The following MRFAP1L2 variants were observed in gnomAD, a reference collection of about 807,000 sequenced individuals.
The protein encoded by MRFAP1L2 is MORF4 family-associated protein 1-like protein UPP.
chr4:6,674,420 G>C, the MRFAP1L2 span: 2 of 653,420 alleles, frequency 3.1e-6, no homozygotes, highest in Admixed American at 2.3e-5. Flanking sequence ...GGAGCGGGGC[G>C]CCCGGGCCCC....
the MRFAP1L2 span, chr4:6,674,387 A>C: frequency 1.5e-6 from 1 of 651,298 alleles, no homozygotes; most frequent in Non-Finnish European, 2.7e-6. Flanking sequence ...GCTCGACGCC[A>C]TCAAGAGTGA....
the MRFAP1L2 span, chr4:6,674,279 G>C: frequency 2.0e-6 from 1 of 506,788 alleles, no homozygotes; most frequent in Non-Finnish European, 3.4e-6. Context: ...GCTGAGCCCC[G>C]CGCCCCGCGC....
the MRFAP1L2 span, chr4:6,674,548 G>A: frequency 1.5e-6 from 1 of 663,120 alleles, no homozygotes; most frequent in Non-Finnish European, 2.7e-6. Context: ...TGCACCAGCG[G>A]ATCGCCGGCT....
chr4:6,674,744 A>G, the MRFAP1L2 span: 55 of 511,568 alleles, frequency 1.1e-4, no homozygotes, highest in Middle Eastern at 5.0e-4. Context: ...TGTTGTAAAG[A>G]GTCATGACCA....
At chr4:6,674,104 G>A in the MRFAP1L2 span, 2 of 383,440 alleles carry the variant, frequency 5.2e-6, no homozygotes, top group South Asian at 1.4e-4. Flanking sequence ...GCTGCGGAAA[G>A]TTGGGGCAAC....
At chr4:6,674,501 G>C in the MRFAP1L2 span, 1 of 671,986 alleles carries the variant, frequency 1.5e-6, no homozygotes, top group African/African-American at 1.9e-5. Flanking sequence ...GAGGAAGGCT[G>C]CGGAGGCGGC....
At chr4:6,675,702 T>C in the MRFAP1L2 span, 1 of 152,274 alleles carries the variant, frequency 6.6e-6, no homozygotes, top group South Asian at 2.1e-4. Flanking sequence ...GGATGAGTTC[T>C]AGGTACATGT....
chr4:6,674,758 G>A, the MRFAP1L2 span: 87,932 of 504,582 alleles, frequency 0.17, 8,376 homozygotes, highest in African/African-American at 0.31. Context: ...ATGACCACTG[G>A]AAGTATTTTC....
chr4:6,675,354 G>C, the MRFAP1L2 span: 1 of 152,140 alleles, frequency 6.6e-6, no homozygotes, highest in African/African-American at 2.4e-5. Flanking sequence ...ATGCTTCCTG[G>C]AATTTGGGGA....
the MRFAP1L2 span, chr4:6,674,156 C>G: frequency 2.6e-6 from 1 of 385,354 alleles, no homozygotes; most frequent in Non-Finnish European, 4.6e-6. Flanking sequence ...GGCTTCCGCG[C>G]TCGCTGCTGG....
At chr4:6,674,930 A>T in the MRFAP1L2 span, 1 of 204,316 alleles carries the variant, frequency 4.9e-6, no homozygotes, top group Non-Finnish European at 9.8e-6. Context: ...TGACTCCCGG[A>T]TATGAGAATA....
chr4:6,674,272 G>C, the MRFAP1L2 span: 1 of 489,542 alleles, frequency 2.0e-6, no homozygotes, highest in Non-Finnish European at 3.6e-6. Context: ...GCAGCCCGCT[G>C]AGCCCCGCGC....
At chr4:6,674,282 C>T in the MRFAP1L2 span, 2 of 511,920 alleles carry the variant, frequency 3.9e-6, no homozygotes, top group Non-Finnish European at 6.8e-6. Context: ...GAGCCCCGCG[C>T]CCCGCGCCGG....
chr4:6,676,033 C>T, the MRFAP1L2 span: 1 of 152,218 alleles, frequency 6.6e-6, no homozygotes, highest in Non-Finnish European at 1.5e-5. Context: ...GGTAAATAAA[C>T]ATTTTTCAAA....
the MRFAP1L2 span, chr4:6,675,330 T>G: frequency 6.6e-6 from 1 of 152,242 alleles, no homozygotes; most frequent in African/African-American, 2.4e-5. Flanking sequence ...ACTCGTGTGC[T>G]TTGCTGTTTT....
chr4:6,675,695 T>C, the MRFAP1L2 span: 1 of 152,232 alleles, frequency 6.6e-6, no homozygotes, highest in African/African-American at 2.4e-5. Context: ...ACAATTGGGA[T>C]GAGTTCTAGG....
the MRFAP1L2 span, chr4:6,674,380 C>T: frequency 3.1e-6 from 2 of 648,538 alleles, no homozygotes; most frequent in South Asian, 1.6e-5. Flanking sequence ...AGAGCCTGCT[C>T]GACGCCATCA....
the MRFAP1L2 span, chr4:6,674,296 C>T: frequency 3.5e-5 from 19 of 541,732 alleles, 1 homozygote; most frequent in South Asian, 4.3e-4. Flanking sequence ...GCGCCGGCCG[C>T]GAGAACCTGG....
the MRFAP1L2 span, chr4:6,674,797 G>C: frequency 3.3e-4 from 155 of 475,012 alleles, no homozygotes; most frequent in African/African-American, 7.6e-4. Flanking sequence ...GTCACTACGT[G>C]GGGGGAGAGA....
Sources: allele counts gnomAD v4.1 joint callset, GRCh38; gene constraint gnomAD v4.1.1; transcripts MANE v1.5; gene names NCBI Gene and HGNC (gene_info 2026-07-23, HGNC 2026-07-21).